The following TENM2 variants were observed in gnomAD, a reference collection of about 807,000 sequenced individuals.
TENM2 encodes teneurin-2.
TENM2 carries 52 observed loss-of-function variants against 245.2 expected under a neutral mutation model. The ratio of observed to expected loss-of-function variants is 0.21; its 90% CI spans 0.17 to 0.27. The LOEUF (loss-of-function observed/expected upper bound fraction) is 0.27, where lower values mean the gene tolerates loss of function less well. Ranked by LOEUF, TENM2 falls within the 10% of genes least tolerant of loss-of-function variation. The probability of loss-of-function intolerance (pLI) is 1.00; values close to 1 mark genes in which losing one functional copy is unlikely to be tolerated. For synonymous variants in TENM2, 1,363 were observed against 1,438.9 expected, an observed-to-expected ratio of 0.95 and a Z score of 1.19; for missense variants, 3,046 against 3,666.8, an observed-to-expected ratio of 0.83 and a Z score of 4.37.
At chr5:167,159,549 T>C in the TENM2 span, among the ~76,000 whole-genome samples, 1 of 152,216 alleles carries the variant, frequency 6.6e-6, no homozygotes, top group Admixed American at 6.5e-5. Context: ...TCACAATGTA[T>C]ATGTACTTCA....
the TENM2 span, among the ~76,000 whole-genome samples, chr5:167,133,616 T>TG: frequency 1.8e-4 from 3 of 16,940 alleles, no homozygotes; most frequent in East Asian, 2.9e-3. Context: ...CACTCAAACT[T>TG]GGAAAAAAAA....
intron 16 of TENM2, among the ~76,000 whole-genome samples, chr5:168,199,627 A>G (rs761605221): frequency 4.6e-5 from 7 of 152,252 alleles, no homozygotes; most frequent in Non-Finnish European, 1.0e-4. Context: ...AAGAAACACA[A>G]CAGTGACCAA....
chr5:167,372,616 G>T (rs1443855375), intron 1 of TENM2, among the ~76,000 whole-genome samples: 1 of 152,208 alleles, frequency 6.6e-6, no homozygotes, highest in East Asian at 1.9e-4. Flanking sequence ...TTTTAAATGG[G>T]ATTACATAGC....
rs370079900 is a variant in TENM2, at chr5:168,206,201, G to A, written c.3824+1580G>A. Among the ~76,000 whole-genome samples the A allele has an allele frequency of 1.5e-4, 23 of 152,362 alleles. No individual in the cohort carries two copies. In the East Asian group the frequency reaches 4.2e-3, roughly 28 times the overall value. On this transcript the variant is annotated intron_variant, in intron 19 of 28. Transcript: ENST00000518659. ...TGCATTTGAGAGTCTCTGAGGCCCT[G>A]TCTGGGAGAAATATCAGTGGCCTGC...
intron 25 of TENM2, among the ~76,000 whole-genome samples, chr5:168,235,676 G>A (rs1304156481): frequency 2.0e-5 from 3 of 152,110 alleles, no homozygotes; most frequent in Non-Finnish European, 4.4e-5. Flanking sequence ...GTGTGGTGCG[G>A]CACGCCTATA....
At chr5:167,619,350 G>T (rs796149239) in intron 2 of TENM2, among the ~76,000 whole-genome samples, 2 of 152,148 alleles carry the variant, frequency 1.3e-5, no homozygotes, top group African/African-American at 4.8e-5. Context: ...AGTGCACCAG[G>T]TTCCAGTCTT....
intron 2 of TENM2, among the ~76,000 whole-genome samples, chr5:167,813,393 A>G (rs1368749813): frequency 1.7e-5 from 2 of 115,142 alleles, no homozygotes; most frequent in African/African-American, 1.0e-4. Flanking sequence ...TTCTGCACAC[A>G]CACACACACA....
At chr5:167,946,030 C>T (rs1425216785) in intron 3 of TENM2, among the ~76,000 whole-genome samples, 2 of 152,220 alleles carry the variant, frequency 1.3e-5, no homozygotes, top group Non-Finnish European at 2.9e-5. Context: ...GACAGGCCAC[C>T]TGCCCTGTGA....
intron 1 of TENM2, among the ~76,000 whole-genome samples, chr5:167,370,788 T>C (rs1760369789): frequency 6.6e-6 from 1 of 152,232 alleles, no homozygotes; most frequent in Admixed American, 6.5e-5. Flanking sequence ...TTGTGCCTCC[T>C]TGTTATCTTT....
intron 2 of TENM2, among the ~76,000 whole-genome samples, chr5:167,642,820 T>A (rs546833841): frequency 6.6e-6 from 1 of 152,336 alleles, no homozygotes; most frequent in South Asian, 2.1e-4. Flanking sequence ...AGTTTCTGCA[T>A]AGACACCAAG....
the TENM2 span, among the ~76,000 whole-genome samples, chr5:167,088,179 A>C: frequency 6.6e-6 from 1 of 152,312 alleles, no homozygotes; most frequent in Admixed American, 6.5e-5. Flanking sequence ...TGTAATTATT[A>C]AAATTAATTC....
At chr5:167,284,863 G>T in exon 1 of TENM2, 1 of 1,551,592 alleles carries the variant, frequency 6.4e-7, no homozygotes, top group Non-Finnish European at 8.7e-7. Flanking sequence ...CGGCGACACC[G>T]CTCTTTGACC....
the TENM2 span, among the ~76,000 whole-genome samples, chr5:167,099,695 C>CAAAACAAAACAAAACAAAAAAAAAACA: frequency 6.6e-6 from 1 of 151,580 alleles, no homozygotes; most frequent in Non-Finnish European, 1.5e-5. Flanking sequence ...AACACCGTCT[C>CAAAACAAAACAAAACAAAAAAAAAACA]AAAACAAAAC....
chr5:167,566,868 T>C (rs531961365), intron 2 of TENM2, among the ~76,000 whole-genome samples: 34 of 152,224 alleles, frequency 2.2e-4, no homozygotes, highest in Non-Finnish European at 4.7e-4. Context: ...GTGGCTCCGC[T>C]ACTTTGGTTT....
intron 3 of TENM2, among the ~76,000 whole-genome samples, chr5:167,940,264 G>A (rs1236608741): frequency 1.3e-5 from 2 of 152,010 alleles, no homozygotes; most frequent in East Asian, 3.9e-4. Context: ...TTGTCAATGT[G>A]TAATTAATTA....
intron 13 of TENM2, among the ~76,000 whole-genome samples, chr5:168,166,270 G>A (rs1052864054): frequency 1.3e-5 from 2 of 152,274 alleles, no homozygotes; most frequent in East Asian, 1.9e-4. Flanking sequence ...TAAATTTCAT[G>A]AACGAGCAAA....
chr5:167,471,778 A>C lies in TENM2; in HGVS notation c.502+96305A>C, dbSNP rs143582314. 1.2e-3 allele frequency among the ~76,000 whole-genome samples: 189 copies of C among 152,320 alleles called. 1 individual carries two copies. Among genetic ancestry groups the C allele is most frequent in the African/African-American group, 4.3e-3 (180 of 41,566 alleles). ...ATCTACATCAGTGCAAAAAGTCAAG[A>C]GAGGCTTTACGTTGAAAATCTGGAG... On this transcript the variant is annotated intron_variant, in intron 2 of 28. Transcript: ENST00000518659.
intron 2 of TENM2, among the ~76,000 whole-genome samples, chr5:167,409,109 G>C (rs1762778244): frequency 6.6e-6 from 1 of 151,974 alleles, no homozygotes; most frequent in South Asian, 2.1e-4. Flanking sequence ...TGATGGTCAT[G>C]CTATTCATAA....
chr5:167,403,010 C>G (rs535367545), intron 2 of TENM2, among the ~76,000 whole-genome samples: 13 of 152,024 alleles, frequency 8.6e-5, no homozygotes, highest in Non-Finnish European at 1.2e-4. Context: ...AACTGTGCAG[C>G]TTTTGGTGGA....
Sources: gnomAD v4.1 joint callset for allele counts (sites outside exome capture counted in the v4.1 genomes callset) on GRCh38, gnomAD v4.1.1 for gene constraint, MANE v1.5 for transcripts, NCBI Gene and HGNC (gene_info 2026-07-23, HGNC 2026-07-21) for gene names.